C10orf105: variants seen among roughly 807,000 people sequenced by gnomAD.
C10orf105 encodes uncharacterized protein C10orf105.
A neutral mutation model predicts 0.6 loss-of-function variants in C10orf105; 2 were observed. The ratio of observed to expected loss-of-function variants is 3.18; its 90% CI spans 1.30 to 10.01. The LOEUF (loss-of-function observed/expected upper bound fraction) is 10.01, where lower values mean the gene tolerates loss of function less well. C10orf105 is among the 30% of genes most tolerant of loss of function. The pLI, the probability that C10orf105 is intolerant of heterozygous loss-of-function variation, is 0.04. For missense variants in C10orf105, 209 were observed against 191.4 expected, an observed-to-expected ratio of 1.09 and a Z score of -0.54; for synonymous variants, 95 against 82.4, an observed-to-expected ratio of 1.15 and a Z score of -0.83.
intron 1 of C10orf105, among the ~76,000 whole-genome samples, chr10:71,735,328 C>T (rs1413064864): frequency 6.6e-6 from 1 of 152,142 alleles, no homozygotes; most frequent in Admixed American, 6.5e-5. Flanking sequence ...ATGTGCTGGG[C>T]CCCTGGGGGA....
At chr10:71,716,587 A>G (rs1301452214) in intron 1 of C10orf105, 4 of 417,282 alleles carry the variant, frequency 9.6e-6, no homozygotes. Context: ...CCCTGTGCCC[A>G]TCTGCCATGC....
chr10:71,730,047 G>A (rs933034466), intron 1 of C10orf105, among the ~76,000 whole-genome samples: 2 of 152,012 alleles, frequency 1.3e-5, no homozygotes, highest in Admixed American at 1.3e-4. Context: ...TGTTAGCCAG[G>A]ATGGTCTCGA....
At chr10:71,722,323 C>A (rs1373136869), upstream of C10orf105, among the ~76,000 whole-genome samples, 1 of 152,138 alleles carries the variant, frequency 6.6e-6, no homozygotes, top group Non-Finnish European at 1.5e-5. Flanking sequence ...TGTACTGTAG[C>A]AATACTGGGA....
chr10:71,724,880 A>T (rs1357364816), intron 1 of C10orf105, among the ~76,000 whole-genome samples: 1 of 152,232 alleles, frequency 6.6e-6, no homozygotes, highest in Non-Finnish European at 1.5e-5. Context: ...AGATCCCCAA[A>T]GAAAAATCAG....
chr10:71,736,715 C>T (rs893674605), intron 1 of C10orf105, among the ~76,000 whole-genome samples: 6 of 152,216 alleles, frequency 3.9e-5, no homozygotes, highest in East Asian at 1.9e-4. Context: ...TGTGGGAACA[C>T]CTGCTGTGTC....
In C10orf105 at chr10:71,737,573, C is replaced by T. The variant is rs41315010; in HGVS notation, c.-6+155G>A. Among the ~76,000 whole-genome samples, 327 of 152,330 alleles carry T rather than the reference C, an allele frequency of 2.1e-3. 1 individual carries two copies. Among genetic ancestry groups the T allele is most frequent in the Middle Eastern group, 6.8e-3 (2 of 294 alleles). On this transcript the variant is annotated intron_variant, in intron 1 of 1. Transcript: ENST00000398786. The stretch of plus-strand genomic sequence containing the variant: ...GCTCCCCATGAGTCCTGTGCAGAGT[C>T]AGCAGGACCTGGGAGCCCCTGAACC...
intron 1 of C10orf105, among the ~76,000 whole-genome samples, chr10:71,735,937 CA>C (rs1839551929): frequency 6.6e-6 from 1 of 152,250 alleles, no homozygotes; most frequent in Non-Finnish European, 1.5e-5. Context: ...AGCCAAGGGG[CA>C]GACACTCAGG....
At position 71,716,143 on chromosome 10, in the gene C10orf105, G is replaced by A. The variant is rs1866218561; in HGVS notation, c.195C>T (p.Asp65=). Residue 65 remains aspartate (D), a synonymous_variant, in exon 2 of 2, where the codon GAC becomes GAT. Coordinates refer to ENST00000441508, the MANE Select transcript of C10orf105 (RefSeq NM_001164375.3). ...FMTLCKPAAL[D]PSRRRAHECM... ...ACTCGTGAGCCCTGCGGCGGCTCGG[G>A]TCCAGCGCGGCCGGCTTGCAGAGCG... The A allele has an allele frequency of 1.3e-6, 2 of 1,550,506 alleles. No individual in the cohort carries two copies. Among genetic ancestry groups the A allele is most frequent in the Non-Finnish European group, 1.7e-6 (2 of 1,146,696 alleles).
Position 71,715,808 on chromosome 10 carries a change from G to A in C10orf105, c.*128C>T, listed in dbSNP as rs1400086138. The stretch of plus-strand genomic sequence containing the variant: ...CTGGCCTGGGCATGCAAGGAGCTTC[G>A]GGGGGTGAGTGTGTGTCCCAGACTG... On this transcript the variant is annotated 3_prime_UTR_variant, in exon 2 of 2. Coordinates refer to ENST00000441508, the MANE Select transcript of C10orf105 (RefSeq NM_001164375.3). 4.5e-5 allele frequency: 40 copies of A among 898,176 alleles called. 1 individual carries two copies. In the East Asian group the frequency reaches 9.3e-4, roughly 21 times the overall value. 55.6% of individuals were successfully genotyped at this position (898,176 alleles called of 1,614,324 possible).
intron 1 of C10orf105, among the ~76,000 whole-genome samples, chr10:71,725,202 TCA>T (rs1382101693): frequency 1.3e-5 from 2 of 152,136 alleles, no homozygotes; most frequent in Non-Finnish European, 2.9e-5. Flanking sequence ...TTGCCCCACC[TCA>T]CAGAGTCCTC....
At chr10:71,728,713 G>A (rs766183103) in intron 1 of C10orf105, among the ~76,000 whole-genome samples, 9 of 152,180 alleles carry the variant, frequency 5.9e-5, no homozygotes, top group Non-Finnish European at 1.3e-4. Context: ...CCCCAGCTCT[G>A]TTTGGCTGGG....
intron 1 of C10orf105, among the ~76,000 whole-genome samples, chr10:71,735,123 T>C (rs1839522679): frequency 6.6e-6 from 1 of 152,200 alleles, no homozygotes; most frequent in South Asian, 2.1e-4. Context: ...TGGAAGCAGA[T>C]GTGACTGCAG....
rs1409256135 is a variant in C10orf105 at position 71,712,033 on chromosome 10, C to G, written c.*3903G>C. On this transcript the variant is annotated 3_prime_UTR_variant, in exon 2 of 2. Coordinates refer to ENST00000441508, the MANE Select transcript of C10orf105 (RefSeq NM_001164375.3). ...AGAAATTAAGGTGTCGGCAGGGTCA[C>G]GCTTCCTCCAAAGGCTCTAGAGAGA... The G allele has an allele frequency of 6.6e-6, 1 of 152,178 alleles. No individual in the cohort carries two copies. The highest frequency in any genetic ancestry group is 1.5e-5 in the Non-Finnish European group (1 of 68,078). The allele number at this position is 152,178 out of a possible 1,614,324, so 9.4% of individuals were successfully genotyped here.
chr10:71,737,687 T>TGGGATACCTAAAA, intron 1 of C10orf105: 1 of 469,830 alleles, frequency 2.1e-6, no homozygotes, highest in Non-Finnish European at 4.4e-6. Context: ...CCTGAGCTCC[T>TGGGATACCTAAAA]CCAACCCCCC....
At chr10:71,732,671 C>G in intron 1 of C10orf105, 2 of 1,361,662 alleles carry the variant, frequency 1.5e-6, no homozygotes, top group Non-Finnish European at 1.9e-6. Context: ...GATCAATATC[C>G]CTGTAACACA....
intron 1 of C10orf105, chr10:71,725,271 G>A (rs1323267723): frequency 1.3e-6 from 2 of 1,559,094 alleles, no homozygotes; most frequent in East Asian, 2.2e-5. Context: ...CTCCTCACAA[G>A]GAGGGGACTG....
intron 1 of C10orf105, chr10:71,734,749 C>T (rs1179588936): frequency 1.2e-6 from 1 of 829,066 alleles, no homozygotes; most frequent in Non-Finnish European, 1.9e-6. Context: ...TCCCACCTCT[C>T]CCAGAGAGAA....
Position 71,713,356 on chromosome 10 carries a change from G to A in C10orf105, c.*2580C>T, listed in dbSNP as rs569274550. On this transcript the variant is annotated 3_prime_UTR_variant, in exon 2 of 2. Transcript: ENST00000441508. ...TGTGCACCCACACCTCTGCCCAGAG[G>A]CCTCAGTTGCTGGGTGGGGAGGGAG... The A allele has an allele frequency of 1.3e-6, 1 of 756,580 alleles. No homozygotes were observed. The highest frequency in any genetic ancestry group is 2.5e-6 in the Non-Finnish European group (1 of 406,986). 46.9% of individuals were successfully genotyped at this position (756,580 alleles called of 1,614,324 possible).
intron 1 of C10orf105, 65 bp from the exon 2 acceptor site, chr10:71,716,407 G>T: frequency 2.3e-6 from 3 of 1,317,436 alleles, no homozygotes; most frequent in Non-Finnish European, 3.1e-6. Flanking sequence ...CGGGTATAGG[G>T]AAGACTTACC....
Sources: gnomAD v4.1 joint callset for allele counts (sites outside exome capture counted in the v4.1 genomes callset) on GRCh38, gnomAD v4.1.1 for gene constraint, MANE v1.5 for transcripts, NCBI Gene and HGNC (gene_info 2026-07-23, HGNC 2026-07-21) for gene names.